Variants in TRDN observed in about 807,000 individuals in gnomAD.
TRDN encodes triadin in skeletal muscle.
A neutral mutation model predicts 149.7 loss-of-function variants in TRDN; 161 were observed. That is an observed-to-expected ratio of 1.08 (90% CI 0.95 to 1.23). The LOEUF is 1.23. Ranked by LOEUF, TRDN falls within the 50% of genes most tolerant of loss-of-function variation. The pLI is 0.00. For synonymous variants in TRDN, 294 were observed against 250.5 expected (o/e 1.17, Z -1.64); for missense variants, 896 against 823.5 (o/e 1.09, Z -1.08).
chr6:123,401,224 G>A (rs886577607), intron 12 of TRDN, among the ~76,000 whole-genome samples: 8 of 152,052 alleles, frequency 5.3e-5, no homozygotes, highest in Non-Finnish European at 1.0e-4. Context: ...TAAGTTTTTT[G>A]TAAAAATGGC....
At chr6:123,453,897 G>T (rs1775941434) in intron 10 of TRDN, among the ~76,000 whole-genome samples, 1 of 151,742 alleles carries the variant, frequency 6.6e-6, no homozygotes, top group South Asian at 2.1e-4. Context: ...TGTGGTGTGT[G>T]TGTGTGTGTG....
At chr6:123,404,734 T>G (rs566942044) in intron 12 of TRDN, among the ~76,000 whole-genome samples, 2 of 152,312 alleles carry the variant, frequency 1.3e-5, no homozygotes, top group Admixed American at 6.5e-5. Flanking sequence ...CGTGAGCCAC[T>G]GCGCCTCCCA....
chr6:123,263,845 T>A (rs116304098), intron 33 of TRDN, among the ~76,000 whole-genome samples: 2 of 152,012 alleles, frequency 1.3e-5, no homozygotes, highest in South Asian at 4.1e-4. Flanking sequence ...TTATGCCAAA[T>A]CTACTCTGCC....
intron 12 of TRDN, among the ~76,000 whole-genome samples, chr6:123,437,808 T>C (rs2114592070): frequency 6.6e-6 from 1 of 152,236 alleles, no homozygotes; most frequent in Non-Finnish European, 1.5e-5. Flanking sequence ...ATACCAGCCA[T>C]TACAAACATT....
At position 123,552,767 on chromosome 6, in the gene TRDN, C is replaced by T. The variant is rs59610239; in HGVS notation, c.233-4155G>A. Among the ~76,000 whole-genome samples, 488 of 152,230 alleles carry T rather than the reference C, an allele frequency of 3.2e-3. 2 individuals carry two copies. The highest frequency in any genetic ancestry group is 0.011 in the African/African-American group (475 of 41,544). On this transcript the variant is annotated intron_variant, in intron 2 of 40. Transcript: ENST00000334268. ...CACCCATGGTACTTAACTCACTTTT[C>T]TCTAGTCCTGGTACTTCCCCAACCT...
chr6:123,569,682 G>A (rs1782462703), intron 2 of TRDN, among the ~76,000 whole-genome samples: 2 of 152,122 alleles, frequency 1.3e-5, no homozygotes, highest in African/African-American at 2.4e-5. Flanking sequence ...GAGAGGAGCA[G>A]GCATGTCACA....
chr6:123,434,165 A>G (rs6930048), intron 12 of TRDN: 10 of 152,168 alleles, frequency 6.6e-5, no homozygotes, highest in Non-Finnish European at 1.0e-4. Context: ...GTAGGTGTTC[A>G]AAAACCATCT....
At chr6:123,261,413 G>T (rs1433655856) in intron 33 of TRDN, among the ~76,000 whole-genome samples, 1 of 151,706 alleles carries the variant, frequency 6.6e-6, no homozygotes, top group Non-Finnish European at 1.5e-5. Flanking sequence ...AATTATATTT[G>T]CCTTTTGCCT....
chr6:123,263,034 A>AT (rs1177524946), intron 33 of TRDN, among the ~76,000 whole-genome samples: 1 of 152,098 alleles, frequency 6.6e-6, no homozygotes, highest in African/African-American at 2.4e-5. Context: ...ACTAGAAATG[A>AT]TTAAGTTTAG....
Position 123,286,877 on chromosome 6 carries a change from T to G in TRDN, c.1511-7795A>C, listed in dbSNP as rs143106408. On this transcript the variant is annotated intron_variant, in intron 24 of 40. Transcript: ENST00000334268. ...GCAGCACCTGGGGAGTTGCTAGAAA[T>G]GTAGCTACTTGGACTCCATTCCAGA... Among the ~76,000 whole-genome samples the G allele has an allele frequency of 2.0e-3, 308 of 152,026 alleles. 1 individual carries two copies. Among genetic ancestry groups the G allele is most frequent in the Non-Finnish European group, 3.5e-3 (235 of 67,968 alleles).
intron 12 of TRDN, among the ~76,000 whole-genome samples, chr6:123,431,148 C>T (rs771203563): frequency 6.6e-6 from 1 of 152,126 alleles, no homozygotes; most frequent in Non-Finnish European, 1.5e-5. Context: ...ACAGTCAAGA[C>T]GCTGTCATCT....
chr6:123,631,192 T>C (rs1785984443), intron 1 of TRDN, among the ~76,000 whole-genome samples: 1 of 151,744 alleles, frequency 6.6e-6, no homozygotes, highest in African/African-American at 2.4e-5. Context: ...GTCAGACTAA[T>C]CAGGTTTATG....
At chr6:123,274,758 T>A in intron 26 of TRDN, 88 bp from the exon 27 acceptor site, 1 of 1,310,682 alleles carries the variant, frequency 7.6e-7, no homozygotes, top group Non-Finnish European at 1.1e-6. Context: ...TATTTGGTTA[T>A]CATAATTGGG....
chr6:123,627,022 G>A (rs750541353), intron 1 of TRDN, among the ~76,000 whole-genome samples: 5 of 151,688 alleles, frequency 3.3e-5, no homozygotes, highest in South Asian at 2.1e-4. Flanking sequence ...TCCACCACCC[G>A]GGTTCAAGTA....
At chr6:123,513,461 T>C (rs1779269362) in intron 6 of TRDN, among the ~76,000 whole-genome samples, 1 of 152,126 alleles carries the variant, frequency 6.6e-6, no homozygotes, top group Admixed American at 6.6e-5. Context: ...AGAAAACATT[T>C]AGCTACTGTA....
chr6:123,555,308 C>T (rs1039824486), intron 2 of TRDN, among the ~76,000 whole-genome samples: 23 of 151,970 alleles, frequency 1.5e-4, no homozygotes, highest in Non-Finnish European at 2.5e-4. Context: ...TTTTTTCTCC[C>T]ATGAATTTAT....
At chr6:123,527,433 A>C (rs1401486277) in intron 5 of TRDN, among the ~76,000 whole-genome samples, 1 of 152,028 alleles carries the variant, frequency 6.6e-6, no homozygotes, top group Admixed American at 6.6e-5. Context: ...CATGTGGACC[A>C]TGGGTATCCA....
intron 9 of TRDN, chr6:123,471,264 A>G (rs1394775739): frequency 1.3e-5 from 2 of 152,214 alleles, no homozygotes; most frequent in East Asian, 3.8e-4. Context: ...GGAACAAACA[A>G]GTACAGTGCC....
rs1457088591 is a variant in TRDN, at chr6:123,291,012, C to T, written c.1511-11930G>A. 3.3e-5 allele frequency among the ~76,000 whole-genome samples: 5 copies of T among 151,804 alleles called. No homozygotes were observed. In the East Asian group the frequency reaches 9.8e-4, roughly 30 times the overall value. ...TTTCTATTAAAAATACAAAAATTAGCCAGACATGGTGGCACATATCTGTAA... is the reference window on the plus strand; with the variant it reads ...TTTCTATTAAAAATACAAAAATTAGTCAGACATGGTGGCACATATCTGTAA... On this transcript the variant is annotated intron_variant, in intron 24 of 40. Transcript: ENST00000334268.
Sources: gnomAD v4.1 joint callset for allele counts (sites outside exome capture counted in the v4.1 genomes callset) on GRCh38, gnomAD v4.1.1 for gene constraint, MANE v1.5 for transcripts, NCBI Gene and HGNC (gene_info 2026-07-23, HGNC 2026-07-21) for gene names.